FOXRED2: variants seen among roughly 807,000 people sequenced by gnomAD.
The protein encoded by FOXRED2 is FAD dependent oxidoreductase domain containing 2.
In FOXRED2, 32 loss-of-function variants were observed where a neutral mutation model predicts 52.5. The observed-to-expected ratio is 0.61, with a 90% confidence interval of 0.46 to 0.82. The LOEUF is 0.82. Ranked by LOEUF, FOXRED2 falls within the 40% of genes least tolerant of loss-of-function variation. FOXRED2 has a pLI of 0.00. For missense variants in FOXRED2, 848 were observed against 937.5 expected, an observed-to-expected ratio of 0.90 and a Z score of 1.25; for synonymous variants, 405 against 398.1, an observed-to-expected ratio of 1.02 and a Z score of -0.21.
Position 36,505,869 on chromosome 22 carries a change from G to C in FOXRED2, c.527+27C>G, listed in dbSNP as rs761187724. The C allele has an allele frequency of 5.6e-6, 9 of 1,596,956 alleles. No homozygotes were observed. The South Asian group carries it at 9.9e-5, about 18-fold the overall frequency. ...TCGTGTGGGGAAGGTCCCAGCTTCC[G>C]CAGGTGAGCTCTGGCACCGGCCTTA... On this transcript the variant is annotated intron_variant, in intron 2 of 8. Transcript: ENST00000397224.
At chr22:36,496,276 T>C in intron 6 of FOXRED2, 68 bp from the exon 7 acceptor site, 4 of 1,586,738 alleles carry the variant, frequency 2.5e-6, no homozygotes, top group Non-Finnish European at 3.4e-6. Flanking sequence ...AGCCCGGGGG[T>C]GAGCATGTGT....
chr22:36,490,562 C>G (rs866277936), intron 8 of FOXRED2, among the ~76,000 whole-genome samples: 26 of 152,352 alleles, frequency 1.7e-4, no homozygotes, highest in African/African-American at 6.3e-4. Context: ...GACATCAGGG[C>G]TGAGCACCGG....
At chr22:36,501,897 G>C (rs1934062525) in intron 4 of FOXRED2, among the ~76,000 whole-genome samples, 1 of 152,152 alleles carries the variant, frequency 6.6e-6, no homozygotes, top group Non-Finnish European at 1.5e-5. Flanking sequence ...CAGGCGAGGT[G>C]GCTCACGCCT....
At chr22:36,503,834 G>T (rs550927541) in intron 4 of FOXRED2, among the ~76,000 whole-genome samples, 1 of 152,172 alleles carries the variant, frequency 6.6e-6, no homozygotes, top group Admixed American at 6.5e-5. Flanking sequence ...TCTCTGAGCC[G>T]GCCTTTCCAA....
rs542871196 is a variant in FOXRED2, at chr22:36,499,483, G to A, written c.1217-1327C>T. Among the ~76,000 whole-genome samples, 6 of 152,136 alleles carry A rather than the reference G, an allele frequency of 3.9e-5. No homozygotes were observed. In the South Asian group the frequency reaches 1.2e-3, roughly 32 times the overall value. ...AAAAATAAAAACAACAAAATTAGCT[G>A]GGTGTGGTGGTGCACGCCTGAAGTC... On this transcript the variant is annotated intron_variant, in intron 5 of 8. Transcript: ENST00000397224.
At chr22:36,493,418 A>G (rs753384168) in intron 8 of FOXRED2, among the ~76,000 whole-genome samples, 5 of 150,928 alleles carry the variant, frequency 3.3e-5, no homozygotes, top group Non-Finnish European at 7.4e-5. Flanking sequence ...CAGCCTGGGC[A>G]ACAGAGCGAG....
intron 8 of FOXRED2, among the ~76,000 whole-genome samples, chr22:36,491,742 G>A (rs1933762348): frequency 6.6e-6 from 1 of 152,136 alleles, no homozygotes; most frequent in African/African-American, 2.4e-5. Flanking sequence ...GCAGAACTGT[G>A]AGCCAATTAA....
chr22:36,499,326 G>A (rs558331216), intron 5 of FOXRED2, among the ~76,000 whole-genome samples: 1 of 152,258 alleles, frequency 6.6e-6, no homozygotes, highest in East Asian at 1.9e-4. Flanking sequence ...TCACATTTTT[G>A]ATGCTCAGGC....
At position 36,496,868 on chromosome 22, in the gene FOXRED2, A is replaced by G. The variant is rs547879134; in HGVS notation, c.1383-660T>C. Among the ~76,000 whole-genome samples, 455 of 152,260 alleles carry G rather than the reference A, an allele frequency of 3.0e-3. 1 individual carries two copies. The highest frequency in any genetic ancestry group is 5.4e-3 in the Non-Finnish European group (370 of 68,002). On this transcript the variant is annotated intron_variant, in intron 6 of 8. Transcript: ENST00000397224. Reference sequence around the variant, plus strand: ...AAGGCAGAGGTGACAAGACTTGCCCATGGTTTGCATGTGGGGTGTTGAGAC... The same window carrying G: ...AAGGCAGAGGTGACAAGACTTGCCCGTGGTTTGCATGTGGGGTGTTGAGAC...
intron 8 of FOXRED2, among the ~76,000 whole-genome samples, chr22:36,490,750 G>C (rs946787636): frequency 6.6e-6 from 1 of 152,252 alleles, no homozygotes; most frequent in Non-Finnish European, 1.5e-5. Context: ...GATCTAAACA[G>C]TGTGGGGGAT....
In FOXRED2 at chr22:36,488,915, C is replaced by CT; in HGVS notation, c.*1092dup. ...GTAAGAACCAGTGAAAAAGCAATCA[C>CT]TTATGATCCTGGGCTTTGAAAAATC... On this transcript the variant is annotated 3_prime_UTR_variant, in exon 9 of 9. Transcript: ENST00000397224. 1 of 152,230 alleles carries CT rather than the reference C, an allele frequency of 6.6e-6. No individual in the cohort carries two copies. Among genetic ancestry groups the CT allele is most frequent in the East Asian group, 1.9e-4 (1 of 5,200 alleles). 9.4% of individuals were successfully genotyped at this position (152,230 alleles called of 1,614,324 possible).
Position 36,491,718 on chromosome 22 carries a change from C to T in FOXRED2, c.1796-1451G>A, listed in dbSNP as rs117471857. Among the ~76,000 whole-genome samples, 535 of 152,194 alleles carry T rather than the reference C, an allele frequency of 3.5e-3. 3 individuals are homozygous for T. The Middle Eastern group carries it at 0.041, about 12-fold the overall frequency. On this transcript the variant is annotated intron_variant, in intron 8 of 8. Coordinates refer to ENST00000397224, the MANE Select transcript of FOXRED2 (RefSeq NM_001102371.2). Reference sequence around the variant, plus strand: ...GCATCCAGAAATAGATGCTGCCATGCGTCCATACAGCCTGCAGAACTGTGA... The same window carrying T: ...GCATCCAGAAATAGATGCTGCCATGTGTCCATACAGCCTGCAGAACTGTGA...
intron 2 of FOXRED2, 76 bp from the exon 3 acceptor site, chr22:36,504,842 C>G: frequency 6.7e-7 from 1 of 1,488,276 alleles, no homozygotes; most frequent in Non-Finnish European, 9.1e-7. Context: ...CTCCCTGGAC[C>G]CACCCACCCA....
In FOXRED2 at chr22:36,506,320, C is replaced by T. The variant is rs762812165; in HGVS notation, c.103G>A (p.Val35Met). 3.9e-6 allele frequency: 6 copies of T among 1,531,522 alleles called. No individual in the cohort carries two copies. The Admixed American group carries it at 1.2e-4, about 30-fold the overall frequency. 94.9% of individuals were successfully genotyped at this position (1,531,522 alleles called of 1,614,324 possible). A position where few individuals can be genotyped will look rare whatever the true frequency, so the allele number is the denominator to read the frequency against. ...LSVPPRRDYC[V>M]LGAGPAGLQM... is the part of the protein sequence containing the mutation. ...AGGCCCGCGGGCCCAGCGCCCAGCA[C>T]GCAGTAGTCCCGGCGCGGGGGCACC... Residue 35 changes from valine (V) to methionine (M), a missense_variant, in exon 2 of 9, where the codon GTG (valine) becomes ATG (methionine). Coordinates refer to ENST00000397224, the MANE Select transcript of FOXRED2 (RefSeq NM_001102371.2).
At chr22:36,506,532 G>A (rs1052038372) in intron 1 of FOXRED2, 109 bp from the exon 2 acceptor site, 28 of 1,119,174 alleles carry the variant, frequency 2.5e-5, no homozygotes, top group Non-Finnish European at 3.3e-5. Context: ...TCTGGGTCAC[G>A]GCCAGGCCCA....
At chr22:36,496,728 C>G (rs1395784384) in intron 6 of FOXRED2, among the ~76,000 whole-genome samples, 1 of 152,198 alleles carries the variant, frequency 6.6e-6, no homozygotes, top group African/African-American at 2.4e-5. Flanking sequence ...TGAGAACAGA[C>G]GCCAGGCCAA....
chr22:36,506,411 G>A lies in FOXRED2; in HGVS notation c.12C>T (p.Ser4=), dbSNP rs1479166501. The A allele has an allele frequency of 7.0e-7, 1 of 1,436,308 alleles. No individual in the cohort carries two copies. The highest frequency in any genetic ancestry group is 9.1e-7 in the Non-Finnish European group (1 of 1,100,320). The allele number at this position is 1,436,308 out of a possible 1,614,324, so 89.0% of individuals were successfully genotyped here. Residue 4 remains serine, a synonymous_variant, in exon 2 of 9, where the codon TCC becomes TCT. Coordinates refer to ENST00000397224, the MANE Select transcript of FOXRED2 (RefSeq NM_001102371.2). MGL[S]AAAPLWGPPG... ...GGGGACCCCACAACGGGGCCGCAGC[G>A]GAGAGGCCCATCCTGCAGCAGATCA...
At position 36,506,014 on chromosome 22, in the gene FOXRED2, C is replaced by A; in HGVS notation, c.409G>T (p.Gly137Trp). The A allele has an allele frequency of 6.2e-7, 1 of 1,614,230 alleles. No homozygotes were observed. Among genetic ancestry groups the A allele is most frequent in the Non-Finnish European group, 8.5e-7 (1 of 1,180,046 alleles). ...GTGGTGTTGTACTGGACACGGAGCC[C>A]CAGCGTGTCCGCGAAGTCACCCAGG... is the stretch of plus-strand genomic sequence containing the variant. ...RYLGDFADTL[G>W]LRVQYNTTIA... Residue 137 changes from glycine to tryptophan, a missense_variant, in exon 2 of 9, where the codon GGG becomes TGG. By Grantham distance (184) the Gly-to-Trp change is radical. Transcript: ENST00000397224.
At position 36,498,285 on chromosome 22, in the gene FOXRED2, C is replaced by T. The variant is rs58697278; in HGVS notation, c.1217-129G>A. 11,480 of 1,065,692 alleles carry T rather than the reference C, an allele frequency of 0.011. 795 individuals carry two copies. The African/African-American group carries it at 0.15, about 14-fold the overall frequency. 66.0% of individuals were successfully genotyped at this position (1,065,692 alleles called of 1,614,324 possible). ...ACTGGTCTCCATGGCCCAGCGCAAA[C>T]GCCTAGGTGGTGAACACATGAGGGG... On this transcript the variant is annotated intron_variant, in intron 5 of 8. Coordinates refer to ENST00000397224, the MANE Select transcript of FOXRED2 (RefSeq NM_001102371.2).
Sources: gnomAD v4.1 joint callset for allele counts (sites outside exome capture counted in the v4.1 genomes callset) on GRCh38, gnomAD v4.1.1 for gene constraint, MANE v1.5 for transcripts, NCBI Gene and HGNC (gene_info 2026-07-23, HGNC 2026-07-21) for gene names.